SH3RF3: variants seen among roughly 807,000 people sequenced by gnomAD.
SH3RF3 encodes E3 ubiquitin-protein ligase SH3RF3.
SH3RF3 carries 29 observed loss-of-function variants against 66.3 expected under a neutral mutation model. That is an observed-to-expected ratio of 0.44 (90% CI 0.33 to 0.60). SH3RF3 has a LOEUF of 0.60. Ranked by LOEUF, SH3RF3 falls within the 20% of genes least tolerant of loss-of-function variation. The probability of loss-of-function intolerance (pLI) is 0.04; values close to 1 mark genes in which losing one functional copy is unlikely to be tolerated. For synonymous variants in SH3RF3, 583 were observed against 532.0 expected (o/e 1.10, Z -1.32); for missense variants, 1,194 against 1,190.9 (o/e 1.00, Z -0.04).
At chr2:109,299,155 A>G (rs1046137743) in intron 1 of SH3RF3, among the ~76,000 whole-genome samples, 4 of 152,202 alleles carry the variant, frequency 2.6e-5, no homozygotes, top group Non-Finnish European at 5.9e-5. Context: ...TGTTGCCTCC[A>G]TGCCACCTGC....
At chr2:109,468,855 GAAAAAAAAAAA>G (rs397940375) in intron 8 of SH3RF3, among the ~76,000 whole-genome samples, 14 of 64,868 alleles carry the variant, frequency 2.2e-4, no homozygotes, top group Non-Finnish European at 3.5e-4. Flanking sequence ...CTCTGTCTCA[GAAAAAAAAAAA>G]AAAAAAAAAA....
chr2:109,352,162 C>A (rs1682852194), intron 2 of SH3RF3, among the ~76,000 whole-genome samples: 1 of 152,128 alleles, frequency 6.6e-6, no homozygotes, highest in Non-Finnish European at 1.5e-5. Context: ...CATTTTAAAA[C>A]CCAAGCTCAA....
At chr2:109,138,100 C>T (rs1676854782) in intron 1 of SH3RF3, among the ~76,000 whole-genome samples, 1 of 152,226 alleles carries the variant, frequency 6.6e-6, no homozygotes, top group Admixed American at 6.5e-5. Context: ...ACTGCTACCT[C>T]CGCCTCCAGG....
At chr2:109,385,394 G>A (rs1381626599) in intron 3 of SH3RF3, among the ~76,000 whole-genome samples, 2 of 152,238 alleles carry the variant, frequency 1.3e-5, no homozygotes, top group Admixed American at 6.5e-5. Flanking sequence ...GCAGAGAGCA[G>A]GAAGAAGCCC....
chr2:109,256,316 C>T (rs777744144), intron 1 of SH3RF3, among the ~76,000 whole-genome samples: 9 of 152,160 alleles, frequency 5.9e-5, no homozygotes, highest in Non-Finnish European at 1.2e-4. Context: ...GACGCTGTGA[C>T]GTAGTCCTGG....
At chr2:109,154,018 G>T (rs1677281922) in intron 1 of SH3RF3, among the ~76,000 whole-genome samples, 1 of 152,234 alleles carries the variant, frequency 6.6e-6, no homozygotes, top group Non-Finnish European at 1.5e-5. Flanking sequence ...CAGTGATTCT[G>T]GTTGGTGGAC....
intron 1 of SH3RF3, among the ~76,000 whole-genome samples, chr2:109,253,233 G>T (rs1285207515): frequency 6.6e-6 from 1 of 152,098 alleles, no homozygotes; most frequent in African/African-American, 2.4e-5. Context: ...TCACAAGGCT[G>T]GTCTTGAACT....
At chr2:109,197,415 T>C (rs1678533381) in intron 1 of SH3RF3, among the ~76,000 whole-genome samples, 1 of 152,190 alleles carries the variant, frequency 6.6e-6, no homozygotes, top group Non-Finnish European at 1.5e-5. Flanking sequence ...CTCGGGCTGG[T>C]GGCTTAATTT....
rs1001147753 is a variant in SH3RF3, at chr2:109,328,511, CAT to C, written c.574-19162_574-19161del. 7.9e-4 allele frequency among the ~76,000 whole-genome samples: 121 copies of C among 152,260 alleles called. 1 individual carries two copies. Among genetic ancestry groups the C allele is most frequent in the Middle Eastern group, 3.4e-3 (1 of 294 alleles). ...ACTTGGCTAGATTCATTTGTTTACA[CAT>C]GTTTGTTTTTCTAAGAACACTTTCT... On this transcript the variant is annotated intron_variant, in intron 1 of 9. Transcript: ENST00000309415.
intron 5 of SH3RF3, among the ~76,000 whole-genome samples, chr2:109,430,308 A>G (rs912882563): frequency 6.6e-6 from 1 of 152,172 alleles, no homozygotes; most frequent in African/African-American, 2.4e-5. Flanking sequence ...ACTCAATTGT[A>G]TTTCTCTGAG....
intron 1 of SH3RF3, among the ~76,000 whole-genome samples, chr2:109,255,808 C>T (rs558821706): frequency 9.2e-5 from 14 of 152,272 alleles, no homozygotes; most frequent in South Asian, 2.1e-4. Context: ...ACCGCCCTGC[C>T]GACTGTTTGT....
At chr2:109,398,973 C>A in intron 4 of SH3RF3, 30 bp downstream of exon 4, 1 of 1,582,822 alleles carries the variant, frequency 6.3e-7, no homozygotes, top group Non-Finnish European at 8.6e-7. Context: ...GGCAGGCATC[C>A]CTGGGTTCTC....
intron 2 of SH3RF3, among the ~76,000 whole-genome samples, chr2:109,366,880 G>T (rs1683160368): frequency 6.6e-6 from 1 of 152,162 alleles, no homozygotes; most frequent in South Asian, 2.1e-4. Flanking sequence ...TAAACAAAAA[G>T]AAACTTATTA....
At chr2:109,355,287 C>T (rs1169886431) in intron 2 of SH3RF3, among the ~76,000 whole-genome samples, 1 of 152,186 alleles carries the variant, frequency 6.6e-6, no homozygotes, top group Non-Finnish European at 1.5e-5. Flanking sequence ...TTCTTGAATG[C>T]TGGCATATTG....
At chr2:109,229,203 A>T (rs1304994666) in intron 1 of SH3RF3, among the ~76,000 whole-genome samples, 1 of 152,190 alleles carries the variant, frequency 6.6e-6, no homozygotes, top group Non-Finnish European at 1.5e-5. Context: ...ATGTATTTTT[A>T]TTATGTCACA....
intron 1 of SH3RF3, among the ~76,000 whole-genome samples, chr2:109,134,350 G>A (rs975941274): frequency 6.6e-6 from 1 of 152,178 alleles, no homozygotes; most frequent in Admixed American, 6.5e-5. Flanking sequence ...GCACTTGGGG[G>A]CCTCACCAAA....
chr2:109,301,233 T>C (rs183970362), intron 1 of SH3RF3, among the ~76,000 whole-genome samples: 1 of 152,250 alleles, frequency 6.6e-6, no homozygotes, highest in African/African-American at 2.4e-5. Context: ...TGCTGATCTC[T>C]GTGCACCGGG....
chr2:109,456,976 A>C (rs1678077216), intron 8 of SH3RF3, among the ~76,000 whole-genome samples: 2 of 152,204 alleles, frequency 1.3e-5, no homozygotes. Context: ...GAGGAGGAAG[A>C]CACAGTGGAT....
chr2:109,459,975 C>A (rs888637582), intron 8 of SH3RF3, among the ~76,000 whole-genome samples: 1 of 152,184 alleles, frequency 6.6e-6, no homozygotes, highest in African/African-American at 2.4e-5. Flanking sequence ...AGAATATTGT[C>A]CCAGCCCTGC....
Sources: gnomAD v4.1 joint callset for allele counts (sites outside exome capture counted in the v4.1 genomes callset) on GRCh38, gnomAD v4.1.1 for gene constraint, MANE v1.5 for transcripts, NCBI Gene and HGNC (gene_info 2026-07-23, HGNC 2026-07-21) for gene names.